The following FGGY variants were observed in gnomAD, a reference collection of about 807,000 sequenced individuals.
FGGY encodes the protein FGGY carbohydrate kinase domain-containing protein.
In FGGY, 72 loss-of-function variants were observed where a neutral mutation model predicts 71.3. The observed-to-expected ratio is 1.01, with a 90% CI of 0.84 to 1.23. FGGY has a LOEUF of 1.23. Among genes scored for constraint, FGGY ranks in the 50% most tolerant of loss-of-function variants. The probability of loss-of-function intolerance (pLI) is 0.00; values close to 1 mark genes in which losing one functional copy is unlikely to be tolerated. For missense variants in FGGY, 668 were observed against 682.3 expected (o/e 0.98, Z 0.23); for synonymous variants, 251 against 250.3 (o/e 1.00, Z -0.02).
intron 7 of FGGY, among the ~76,000 whole-genome samples, chr1:59,522,135 A>G (rs2094851143): frequency 6.6e-6 from 1 of 152,232 alleles, no homozygotes; most frequent in African/African-American, 2.4e-5. Context: ...GTGAGCTACA[A>G]TTATTTTTGG....
chr1:59,759,257 T>A (rs1390989814), intron 15 of FGGY, among the ~76,000 whole-genome samples: 1 of 152,174 alleles, frequency 6.6e-6, no homozygotes, highest in Non-Finnish European at 1.5e-5. Context: ...TCTTTTCATT[T>A]CCTTTAACTC....
intron 14 of FGGY, among the ~76,000 whole-genome samples, chr1:59,694,943 G>A (rs369134102): frequency 3.3e-5 from 5 of 152,162 alleles, no homozygotes; most frequent in Admixed American, 3.3e-4. Context: ...TTACTTGATC[G>A]AAGAATTAGT....
At chr1:59,718,634 G>A (rs1357039725) in intron 14 of FGGY, among the ~76,000 whole-genome samples, 3 of 152,202 alleles carry the variant, frequency 2.0e-5, no homozygotes, top group Non-Finnish European at 4.4e-5. Flanking sequence ...ATGGTGATAT[G>A]ATGATGGTTC....
intron 15 of FGGY, among the ~76,000 whole-genome samples, chr1:59,758,940 A>G (rs1332382333): frequency 6.6e-6 from 1 of 152,182 alleles, no homozygotes; most frequent in Non-Finnish European, 1.5e-5. Context: ...GGTCAGATGC[A>G]GATCAGAAAA....
chr1:59,652,528 CTT>C (rs2097173817), intron 11 of FGGY, among the ~76,000 whole-genome samples: 1 of 144,554 alleles, frequency 6.9e-6, no homozygotes. Context: ...GATACCCTTT[CTT>C]CCAGTTGATC....
chr1:59,359,608 G>C (rs2055012713), intron 4 of FGGY, among the ~76,000 whole-genome samples: 1 of 152,176 alleles, frequency 6.6e-6, no homozygotes, highest in Admixed American at 6.5e-5. Context: ...ACACAGCTAA[G>C]ACCTCCCTGG....
chr1:59,713,093 G>T (rs1334486895), intron 14 of FGGY, among the ~76,000 whole-genome samples: 1 of 152,102 alleles, frequency 6.6e-6, no homozygotes, highest in Non-Finnish European at 1.5e-5. Context: ...CAAGTTCAAG[G>T]TTTTACAAAT....
chr1:59,549,904 C>T (rs993957445), intron 7 of FGGY, among the ~76,000 whole-genome samples: 16 of 152,082 alleles, frequency 1.1e-4, no homozygotes, highest in African/African-American at 3.4e-4. Flanking sequence ...TTAAATGTTC[C>T]TTTTTTAACA....
chr1:59,441,058 C>A (rs1036595922), intron 5 of FGGY, among the ~76,000 whole-genome samples: 1 of 152,050 alleles, frequency 6.6e-6, no homozygotes, highest in African/African-American at 2.4e-5. Flanking sequence ...ATTTCTGTAG[C>A]CTTTTGTGCT....
intron 8 of FGGY, among the ~76,000 whole-genome samples, chr1:59,559,999 A>G (rs906626144): frequency 2.0e-5 from 3 of 152,220 alleles, no homozygotes; most frequent in African/African-American, 7.2e-5. Flanking sequence ...TGGGCTGCAC[A>G]TAGCGATTTC....
intron 8 of FGGY, among the ~76,000 whole-genome samples, chr1:59,567,486 T>A (rs1284333696): frequency 6.6e-6 from 1 of 152,164 alleles, no homozygotes; most frequent in Non-Finnish European, 1.5e-5. Flanking sequence ...TGCTTTTGAA[T>A]GAATGATCAG....
chr1:59,331,796 G>A (rs991478778), intron 2 of FGGY: 1 of 152,036 alleles, frequency 6.6e-6, no homozygotes, highest in East Asian at 1.9e-4. Flanking sequence ...GATTATTTTC[G>A]CTAAGGACTT....
At chr1:59,753,007 G>C (rs191995596) in intron 14 of FGGY, among the ~76,000 whole-genome samples, 10 of 152,222 alleles carry the variant, frequency 6.6e-5, no homozygotes, top group Admixed American at 2.0e-4. Flanking sequence ...TTTTTAAAAA[G>C]CTTTCATTGT....
chr1:59,538,178 G>A lies in FGGY; in HGVS notation c.800-15946G>A, dbSNP rs189928191. On this transcript the variant is annotated intron_variant, in intron 7 of 15. Coordinates refer to ENST00000303721, the MANE Select transcript of FGGY (RefSeq NM_018291.5). ...AAAAAACAACCCCATGAAAAAGTGG[G>A]CGAGGGACATAAACAGACACTTCTC... Among the ~76,000 whole-genome samples the A allele has an allele frequency of 8.8e-3, 1,339 of 152,232 alleles. 10 individuals are homozygous for A. The highest frequency in any genetic ancestry group is 0.019 in the Admixed American group (293 of 15,294).
At chr1:59,335,989 G>C (rs541140070) in intron 2 of FGGY, among the ~76,000 whole-genome samples, 1 of 152,142 alleles carries the variant, frequency 6.6e-6, no homozygotes, top group South Asian at 2.1e-4. Context: ...TGAAGAAAAA[G>C]ATTTTTAAAT....
At chr1:59,686,399 A>G (rs1211148245) in intron 14 of FGGY, among the ~76,000 whole-genome samples, 1 of 152,196 alleles carries the variant, frequency 6.6e-6, no homozygotes, top group Non-Finnish European at 1.5e-5. Flanking sequence ...AATATCAGTA[A>G]ACAGCAAGCC....
rs574732398 is a variant in FGGY, at chr1:59,711,464, AT to A, written c.1512+37333del. The stretch of plus-strand genomic sequence containing the variant: ...TTTAAAAAACAACAACAAAGAAAGA[AT>A]TGAAAGAAATTGACTGCAAACAATT... On this transcript the variant is annotated intron_variant, in intron 14 of 15. Transcript: ENST00000303721. 2.8e-4 allele frequency among the ~76,000 whole-genome samples: 42 copies of A among 152,342 alleles called. 1 individual carries two copies. In the South Asian group the frequency reaches 8.7e-3, roughly 32 times the overall value.
At chr1:59,405,727 C>G (rs543707847) in intron 5 of FGGY, among the ~76,000 whole-genome samples, 2 of 152,254 alleles carry the variant, frequency 1.3e-5, no homozygotes, top group East Asian at 1.9e-4. Context: ...GCCTACCCCC[C>G]AGTCGACCTT....
intron 11 of FGGY, among the ~76,000 whole-genome samples, chr1:59,655,256 A>G (rs892103714): frequency 6.6e-6 from 1 of 152,208 alleles, no homozygotes; most frequent in African/African-American, 2.4e-5. Flanking sequence ...GAAAATGAAT[A>G]CTTATTTTAC....
Sources: gnomAD v4.1 joint callset for allele counts (sites outside exome capture counted in the v4.1 genomes callset) on GRCh38, gnomAD v4.1.1 for gene constraint, MANE v1.5 for transcripts, NCBI Gene and HGNC (gene_info 2026-07-23, HGNC 2026-07-21) for gene names.